NCAPH: variants seen among roughly 807,000 people sequenced by gnomAD.
NCAPH encodes the protein non-SMC condensin I complex subunit H, also known as condensin complex subunit 2.
In NCAPH, 38 loss-of-function variants were observed where a neutral mutation model predicts 85.5. The ratio of observed to expected loss-of-function variants is 0.44; its 90% CI spans 0.34 to 0.58. The LOEUF (loss-of-function observed/expected upper bound fraction) is 0.58, where lower values mean the gene tolerates loss of function less well. Among genes scored for constraint, NCAPH ranks in the 20% least tolerant of loss-of-function variants. The pLI, the probability that NCAPH is intolerant of heterozygous loss-of-function variation, is 0.01. For missense variants in NCAPH, 789 were observed against 916.6 expected (o/e 0.86, Z 1.80); for synonymous variants, 301 against 335.1 (o/e 0.90, Z 1.11).
intron 6 of NCAPH, among the ~76,000 whole-genome samples, chr2:96,348,120 A>C (rs2064385399): frequency 6.6e-6 from 1 of 152,018 alleles, no homozygotes; most frequent in Admixed American, 6.5e-5. Context: ...TACTATAAAA[A>C]ATGGGGAACG....
intron 13 of NCAPH, 148 bp downstream of exon 13, chr2:96,364,739 C>T (rs2064671544): frequency 1.6e-6 from 1 of 625,878 alleles, no homozygotes; most frequent in Non-Finnish European, 2.9e-6. Flanking sequence ...GCCTTCCACC[C>T]AGTGCAGGGA....
At chr2:96,356,953 A>G (rs1203601671) in intron 9 of NCAPH, among the ~76,000 whole-genome samples, 1 of 152,162 alleles carries the variant, frequency 6.6e-6, no homozygotes, top group African/African-American at 2.4e-5. Flanking sequence ...TGGTCTGCAA[A>G]AGTGCTTGAT....
chr2:96,356,401 C>A (rs185775949), intron 9 of NCAPH, among the ~76,000 whole-genome samples: 1 of 152,254 alleles, frequency 6.6e-6, no homozygotes, highest in East Asian at 1.9e-4. Context: ...AGGTTGGGAC[C>A]AGTTGATAAT....
Position 96,364,462 on chromosome 2 carries a change from C to T in NCAPH, c.1588-19C>T. 6.6e-7 allele frequency: 1 copy of T among 1,503,880 alleles called. No homozygotes were observed. The highest frequency in any genetic ancestry group is 9.2e-7 in the Non-Finnish European group (1 of 1,085,390). The allele number at this position is 1,503,880 out of a possible 1,614,324, so 93.2% of individuals were successfully genotyped here. On this transcript the variant is annotated intron_variant, in intron 12 of 17. Coordinates refer to ENST00000240423, the MANE Select transcript of NCAPH (RefSeq NM_015341.5). ...TAGCTTTTAACAAAATAGCTTTCTG[C>T]ATTTATTCTTTCCTTTAGTTACTTA...
rs146970496 is a variant in NCAPH, at chr2:96,351,940, C to T, written c.830C>T (p.Pro277Leu). ...GACTACAGAAGTGAACTGCTGTTTC[C>T]CTCTGATGTCCAGACTCTCTCCACG... is the stretch of plus-strand genomic sequence containing the variant. ...CQDYRSELLF[P>L]SDVQTLSTGE... Residue 277 changes from proline to leucine, a missense_variant, in exon 7 of 18, where the codon CCC (proline) becomes CTC (leucine). Pro to Leu is a moderately conservative substitution (Grantham distance 98). Transcript: ENST00000240423. 1.7e-3 allele frequency: 2,784 copies of T among 1,614,128 alleles called. 5 individuals are homozygous for T. Among genetic ancestry groups the T allele is most frequent in the Non-Finnish European group, 2.1e-3 (2,505 of 1,180,012 alleles).
chr2:96,361,344 C>G (rs1406935802), intron 12 of NCAPH, among the ~76,000 whole-genome samples: 3 of 152,070 alleles, frequency 2.0e-5, no homozygotes, highest in Admixed American at 6.6e-5. Context: ...GCCACTGTGC[C>G]CACCTGATTC....
At chr2:96,352,835 A>G (rs764108863) in intron 7 of NCAPH, among the ~76,000 whole-genome samples, 1 of 152,160 alleles carries the variant, frequency 6.6e-6, no homozygotes, top group Admixed American at 6.5e-5. Context: ...TGTGCTAACG[A>G]TCTATTTTCC....
At chr2:96,370,157 A>C (rs780353291) in intron 17 of NCAPH, among the ~76,000 whole-genome samples, 5 of 152,118 alleles carry the variant, frequency 3.3e-5, no homozygotes, top group Non-Finnish European at 5.9e-5. Flanking sequence ...TTTGAGCATC[A>C]CTGAACACTT....
chr2:96,341,036 C>T (rs530061485), intron 1 of NCAPH, among the ~76,000 whole-genome samples: 1 of 152,282 alleles, frequency 6.6e-6, no homozygotes, highest in African/African-American at 2.4e-5. Flanking sequence ...AGATGAGTAA[C>T]TTTCAGATTG....
At chr2:96,353,641 G>C (rs1258650993) in intron 8 of NCAPH, among the ~76,000 whole-genome samples, 3 of 152,114 alleles carry the variant, frequency 2.0e-5, no homozygotes, top group Non-Finnish European at 2.9e-5. Context: ...GCTATCCTAG[G>C]GTAAGGCGGC....
At chr2:96,365,784 C>CT in intron 13 of NCAPH, 92 bp from the exon 14 acceptor site, 4 of 1,305,212 alleles carry the variant, frequency 3.1e-6, no homozygotes, top group Non-Finnish European at 3.3e-6. Flanking sequence ...CAGATGGTCT[C>CT]TTCTTGCTTT....
At chr2:96,354,928 A>G (rs1397307314) in intron 9 of NCAPH, among the ~76,000 whole-genome samples, 1 of 152,078 alleles carries the variant, frequency 6.6e-6, no homozygotes, top group Non-Finnish European at 1.5e-5. Context: ...CTCCCTTTGT[A>G]CACATTGCTT....
Position 96,369,432 on chromosome 2 carries a change from CCT to C in NCAPH, c.2099_2100del (p.Pro700ArgfsTer21). Reference protein sequence around the residue: ...LTKDLQRSLPPVMAQNLSIPL... With the variant: ...LTKDLQRSLPXVMAQNLSIPL... ...TTGCCCCTTTCTTTCCAGCCTGCCC[CCT>C]GTCATGGCTCAGAACCTCTCCATAC... On this transcript the variant is annotated frameshift_variant, in exon 17 of 18. Coordinates refer to ENST00000240423, the MANE Select transcript of NCAPH (RefSeq NM_015341.5). LOFTEE classifies it high-confidence loss of function. 3 of 1,614,086 alleles carry C rather than the reference CCT, an allele frequency of 1.9e-6. No individual in the cohort carries two copies. The highest frequency in any genetic ancestry group is 1.1e-5 in the South Asian group (1 of 91,084).
rs2064334421 is a variant in NCAPH, at chr2:96,344,248, A to G, written c.720+19A>G. On this transcript the variant is annotated intron_variant, in intron 6 of 17. Transcript: ENST00000240423. ...GTGTGAGGTGAGGAACTGTATGCGC[A>G]GTGTGGTTTCTGACTAATTCAGAAC... 1 of 1,591,148 alleles carries G rather than the reference A, an allele frequency of 6.3e-7. No homozygotes were observed. The highest frequency in any genetic ancestry group is 1.8e-5 in the Admixed American group (1 of 54,206).
At position 96,375,909 on chromosome 2, in the gene NCAPH, T is replaced by C. The variant is rs2064826543; in HGVS notation, c.*2558T>C. On this transcript the variant is annotated 3_prime_UTR_variant, in exon 18 of 18. Transcript: ENST00000240423. Reference sequence around the variant, plus strand: ...TTTCCTGGGGGTCGATATGAATATTTGCCACCTCAGGGTGCCACAAAGGTC... The same window carrying C: ...TTTCCTGGGGGTCGATATGAATATTCGCCACCTCAGGGTGCCACAAAGGTC... Among the ~76,000 whole-genome samples the C allele has an allele frequency of 6.6e-6, 1 of 152,156 alleles. No homozygotes were observed. The highest frequency in any genetic ancestry group is 6.5e-5 in the Admixed American group (1 of 15,276).
chr2:96,351,169 A>C (rs1472429082), intron 6 of NCAPH, among the ~76,000 whole-genome samples: 1 of 152,234 alleles, frequency 6.6e-6, no homozygotes, highest in Non-Finnish European at 1.5e-5. Context: ...GACTAGCCCT[A>C]TCATACAGGC....
At chr2:96,336,677 C>T (rs1296778892) in intron 1 of NCAPH, among the ~76,000 whole-genome samples, 4 of 152,178 alleles carry the variant, frequency 2.6e-5, no homozygotes, top group Non-Finnish European at 4.4e-5. Context: ...TCTATAATCA[C>T]TTAGGTGAGA....
intron 17 of NCAPH, among the ~76,000 whole-genome samples, chr2:96,369,971 AG>A (rs1391853109): frequency 6.6e-6 from 1 of 152,244 alleles, no homozygotes; most frequent in East Asian, 1.9e-4. Context: ...ACAAGGAAGG[AG>A]AATCCTGAAG....
chr2:96,359,463 A>G (rs867680045), intron 10 of NCAPH: 1 of 441,066 alleles, frequency 2.3e-6, no homozygotes, highest in Non-Finnish European at 4.1e-6. Context: ...TAGTATCCAC[A>G]TGACTTCACT....
Sources: gnomAD v4.1 joint callset for allele counts (sites outside exome capture counted in the v4.1 genomes callset) on GRCh38, gnomAD v4.1.1 for gene constraint, MANE v1.5 for transcripts, NCBI Gene and HGNC (gene_info 2026-07-23, HGNC 2026-07-21) for gene names.